Variants in PLXNA2 observed in about 807,000 individuals in gnomAD.
PLXNA2 encodes the protein plexin-A2.
Under a neutral mutation model 193.5 loss-of-function variants are expected in PLXNA2, and 91 were observed. The observed-to-expected ratio is 0.47, with a 90% CI of 0.40 to 0.56. The LOEUF is 0.56. Ranked by LOEUF, PLXNA2 falls within the 20% of genes least tolerant of loss-of-function variation. The probability of loss-of-function intolerance (pLI) is 0.00; values close to 1 mark genes in which losing one functional copy is unlikely to be tolerated. For missense variants in PLXNA2, 1,995 were observed against 2,503.2 expected, an observed-to-expected ratio of 0.80 and a Z score of 4.33; for synonymous variants, 997 against 1,027.3, an observed-to-expected ratio of 0.97 and a Z score of 0.56.
chr1:208,200,313 T>C (rs1670502321), intron 3 of PLXNA2, among the ~76,000 whole-genome samples: 1 of 152,192 alleles, frequency 6.6e-6, no homozygotes, highest in Admixed American at 6.5e-5. Flanking sequence ...CATCTCCATG[T>C]ATTTCCTGCC....
chr1:208,066,216 C>G (rs993535042), intron 12 of PLXNA2, among the ~76,000 whole-genome samples: 2 of 152,320 alleles, frequency 1.3e-5, no homozygotes, highest in East Asian at 3.9e-4. Flanking sequence ...ATGTGGACCT[C>G]AGAAGTGAGA....
At chr1:208,159,510 T>G (rs1005141733) in intron 3 of PLXNA2, among the ~76,000 whole-genome samples, 2 of 152,228 alleles carry the variant, frequency 1.3e-5, no homozygotes, top group Admixed American at 1.3e-4. Context: ...GTGCTCTTTC[T>G]GTCTTGAGAG....
Position 208,028,532 on chromosome 1 carries a change from T to A in PLXNA2, c.5438+298A>T, listed in dbSNP as rs932822388. 6.6e-6 allele frequency among the ~76,000 whole-genome samples: 1 copy of A among 152,162 alleles called. No homozygotes were observed. The highest frequency in any genetic ancestry group is 2.4e-5 in the African/African-American group (1 of 41,434). On this transcript the variant is annotated intron_variant, in intron 30 of 31. Transcript: ENST00000367033. This position sits in a 1 kb window ranked among gnomAD's most constrained non-coding sequence, Gnocchi z 4.2. The stretch of plus-strand genomic sequence containing the variant: ...CTTATCAGTAAAATGGGGATAATAA[T>A]AATACTGGCTTCACAACTCTGCTGG...
Position 208,124,702 on chromosome 1 carries a change from A to ACC in PLXNA2, c.1506+17626_1506+17627insGG, listed in dbSNP as rs1571943682. On this transcript the variant is annotated intron_variant, in intron 4 of 31. Coordinates refer to ENST00000367033, the MANE Select transcript of PLXNA2 (RefSeq NM_025179.4). ...CTCAAAAAAAAAAAAAAAAAAAAAA[A>ACC]AGAACCAGAGATACCCTATGTTTTA... is the stretch of plus-strand genomic sequence containing the variant. 2.0e-5 allele frequency among the ~76,000 whole-genome samples: 3 copies of ACC among 148,380 alleles called. No individual in the cohort carries two copies. The Admixed American group carries it at 2.1e-4, about 10-fold the overall frequency.
chr1:208,235,115 G>T (rs1409479544), intron 1 of PLXNA2, among the ~76,000 whole-genome samples: 1 of 152,088 alleles, frequency 6.6e-6, no homozygotes, highest in Non-Finnish European at 1.5e-5. Flanking sequence ...AGCTCTGAAG[G>T]CACCAAAAAC....
chr1:208,157,137 C>T (rs1051218187), intron 3 of PLXNA2, among the ~76,000 whole-genome samples: 1 of 152,230 alleles, frequency 6.6e-6, no homozygotes, highest in Admixed American at 6.5e-5. Flanking sequence ...AAAGTAGGGA[C>T]ACTGCCTTCT....
intron 28 of PLXNA2, among the ~76,000 whole-genome samples, chr1:208,033,057 CT>C (rs2102303023): frequency 1.3e-5 from 2 of 149,896 alleles, no homozygotes; most frequent in South Asian, 4.2e-4. Context: ...CAATTTTGTC[CT>C]CTTTTTTTTT....
At chr1:208,177,437 G>A (rs1416512472) in intron 3 of PLXNA2, among the ~76,000 whole-genome samples, 1 of 152,178 alleles carries the variant, frequency 6.6e-6, no homozygotes, top group Non-Finnish European at 1.5e-5. Flanking sequence ...AATAATTACA[G>A]ATACCTCAGG....
intron 29 of PLXNA2, chr1:208,029,286 T>C: frequency 7.5e-7 from 1 of 1,325,922 alleles, no homozygotes. Flanking sequence ...ATCCGAGGGG[T>C]GGGCCTGGGT....
chr1:208,120,549 G>A (rs76006212), intron 4 of PLXNA2, among the ~76,000 whole-genome samples: 7,592 of 152,252 alleles, frequency 0.05, 259 homozygotes, highest in Non-Finnish European at 0.073. Flanking sequence ...TTGCCAATGC[G>A]GTACTTTGGT....
chr1:208,040,859 C>T (rs1374243173), intron 22 of PLXNA2, among the ~76,000 whole-genome samples: 1 of 152,246 alleles, frequency 6.6e-6, no homozygotes, highest in African/African-American at 2.4e-5. Context: ...CCTCCCCTTC[C>T]CATCCCAGGG....
chr1:208,089,346 G>T (rs1666636189), intron 9 of PLXNA2, among the ~76,000 whole-genome samples: 1 of 152,208 alleles, frequency 6.6e-6, no homozygotes, highest in Non-Finnish European at 1.5e-5. Flanking sequence ...TGGAAACAAA[G>T]CTCATGGGCC....
At chr1:208,184,901 C>G (rs778981252) in intron 3 of PLXNA2, among the ~76,000 whole-genome samples, 3 of 152,212 alleles carry the variant, frequency 2.0e-5, no homozygotes, top group Non-Finnish European at 4.4e-5. Context: ...CCCAGTTCCT[C>G]TAAAAGCAGG....
intron 4 of PLXNA2, among the ~76,000 whole-genome samples, chr1:208,126,149 A>C (rs1667969637): frequency 6.6e-6 from 1 of 152,196 alleles, no homozygotes; most frequent in South Asian, 2.1e-4. Context: ...ACTTGAAAAA[A>C]GGCCCACGAC....
rs1664215219 is a variant in PLXNA2, at chr1:208,022,596, G to GC, written c.*4646dup. On this transcript the variant is annotated 3_prime_UTR_variant, in exon 32 of 32. Transcript: ENST00000367033. ...GGCCCCTAGTCTCATGGGATAGAGA[G>GC]CTTGTCCCTTCTGCCCTTACACACG... The GC allele has an allele frequency of 6.6e-6, 1 of 152,614 alleles. No individual in the cohort carries two copies. Among genetic ancestry groups the GC allele is most frequent in the Non-Finnish European group, 1.5e-5 (1 of 68,044 alleles). 9.5% of individuals were successfully genotyped at this position (152,614 alleles called of 1,614,324 possible). A position where few individuals can be genotyped will look rare whatever the true frequency, so the allele number is the denominator to read the frequency against.
chr1:208,038,237 T>C lies in PLXNA2; in HGVS notation c.4764+134A>G. 1.5e-6 allele frequency: 1 copy of C among 676,866 alleles called. No homozygotes were observed. Among genetic ancestry groups the C allele is most frequent in the Non-Finnish European group, 2.7e-6 (1 of 373,060 alleles). The allele number at this position is 676,866 out of a possible 1,614,324, so 41.9% of individuals were successfully genotyped here. On this transcript the variant is annotated intron_variant, in intron 26 of 31. Coordinates refer to ENST00000367033, the MANE Select transcript of PLXNA2 (RefSeq NM_025179.4). The surrounding 1 kb of genome is among the most constrained non-coding windows in gnomAD (Gnocchi z 4.1). ...ATGGGCAGCCATGGCTAAGAATCCCTGTTCTATGCTCCAGCAGGAGGAGGA... is the reference window on the plus strand; with the variant it reads ...ATGGGCAGCCATGGCTAAGAATCCCCGTTCTATGCTCCAGCAGGAGGAGGA...
intron 1 of PLXNA2, among the ~76,000 whole-genome samples, chr1:208,234,454 C>T (rs1372121302): frequency 1.3e-5 from 2 of 152,238 alleles, no homozygotes; most frequent in Non-Finnish European, 2.9e-5. Context: ...CTCTCACAGG[C>T]CCCATCCCGC....
intron 13 of PLXNA2, among the ~76,000 whole-genome samples, chr1:208,056,440 G>A (rs975071773): frequency 2.1e-4 from 32 of 152,196 alleles, no homozygotes; most frequent in African/African-American, 6.8e-4. Context: ...GAGAACATGT[G>A]AAGGTCACGG....
chr1:208,220,634 G>C (rs1253894954), intron 1 of PLXNA2, among the ~76,000 whole-genome samples: 1 of 150,174 alleles, frequency 6.7e-6, no homozygotes, highest in African/African-American at 2.5e-5. Context: ...AGTAAAGACA[G>C]GGTTTCACCA....
Sources: allele counts gnomAD v4.1 joint callset (sites outside exome capture counted in the v4.1 genomes callset), GRCh38; gene constraint gnomAD v4.1.1; non-coding constraint Gnocchi (gnomAD v3.1); transcripts MANE v1.5; gene names NCBI Gene and HGNC (gene_info 2026-07-23, HGNC 2026-07-21).